The following AGAP1 variants were observed in gnomAD, a reference collection of about 807,000 sequenced individuals.
AGAP1 encodes the protein arf-GAP with GTPase, ANK repeat and PH domain-containing protein 1.
AGAP1 carries 29 observed loss-of-function variants against 105.3 expected under a neutral mutation model. The ratio of observed to expected loss-of-function variants is 0.28; its 90% CI spans 0.21 to 0.38. The LOEUF is 0.38. Ranked by LOEUF, AGAP1 falls within the 10% of genes least tolerant of loss-of-function variation. The probability of loss-of-function intolerance (pLI) is 1.00; values close to 1 mark genes in which losing one functional copy is unlikely to be tolerated. For synonymous variants in AGAP1, 509 were observed against 485.9 expected, an observed-to-expected ratio of 1.05 and a Z score of -0.63; for missense variants, 998 against 1,165.1, an observed-to-expected ratio of 0.86 and a Z score of 2.09.
chr2:235,971,459 G>A lies in AGAP1; in HGVS notation c.1645+2836G>A, dbSNP rs2054638428. The stretch of plus-strand genomic sequence containing the variant: ...CTCACGCCTGTTATCCCAGCACTTT[G>A]GGAGGCTGAGGCGGGCGGATCACGA... On this transcript the variant is annotated intron_variant, in intron 13 of 17. Transcript: ENST00000304032. The surrounding 1 kb of genome is among the most constrained non-coding windows in gnomAD (Gnocchi z 4.8). Among the ~76,000 whole-genome samples the A allele has an allele frequency of 6.6e-6, 1 of 152,166 alleles. No individual in the cohort carries two copies.
At chr2:235,538,425 C>CTG (rs1413280144) in intron 1 of AGAP1, among the ~76,000 whole-genome samples, 1 of 28,588 alleles carries the variant, frequency 3.5e-5, no homozygotes, top group African/African-American at 1.5e-4. Flanking sequence ...ACCTCAGCCA[C>CTG]TATGTGTGTG....
intron 4 of AGAP1, among the ~76,000 whole-genome samples, chr2:235,743,660 A>G (rs1005063427): frequency 5.3e-5 from 8 of 152,136 alleles, no homozygotes; most frequent in Non-Finnish European, 1.2e-4. Flanking sequence ...TTTCACTTAC[A>G]TGCAGAAGTC....
chr2:235,687,217 T>A (rs922799383), intron 1 of AGAP1, among the ~76,000 whole-genome samples: 5 of 152,198 alleles, frequency 3.3e-5, no homozygotes, highest in East Asian at 1.9e-4. Context: ...TCAAACAGAT[T>A]CCCATTCTTC....
Position 235,647,082 on chromosome 2 carries a change from A to G in AGAP1, c.164-62097A>G, listed in dbSNP as rs181133160. Among the ~76,000 whole-genome samples the G allele has an allele frequency of 5.0e-3, 745 of 150,484 alleles. 5 individuals are homozygous for G. The highest frequency in any genetic ancestry group is 0.018 in the African/African-American group (719 of 40,866). ...ACCTGGGAGGTGGAGCTTGCAGTGA[A>G]CCGAGATTGCGCCACTGCACCACCC... On this transcript the variant is annotated intron_variant, in intron 1 of 17. Transcript: ENST00000304032.
At chr2:235,519,235 G>T (rs1014341953) in intron 1 of AGAP1, among the ~76,000 whole-genome samples, 2 of 151,956 alleles carry the variant, frequency 1.3e-5, no homozygotes, top group Non-Finnish European at 2.9e-5. Flanking sequence ...ACCACACCTG[G>T]CTAATTCTTT....
intron 3 of AGAP1, among the ~76,000 whole-genome samples, chr2:235,726,802 G>A (rs1951670486): frequency 6.6e-6 from 1 of 152,210 alleles, no homozygotes; most frequent in African/African-American, 2.4e-5. Flanking sequence ...AGAAAGGCAG[G>A]GAGGGGGTGG....
rs1173718854 is a variant in AGAP1 at position 235,865,586 on chromosome 2, G to A, written c.1051-17759G>A. Among the ~76,000 whole-genome samples the A allele has an allele frequency of 6.6e-6, 1 of 152,090 alleles. No individual in the cohort carries two copies. ...TCCAGAATCGGCCCCTCGCCCCTTT[G>A]CCCCTCCCCCAACTCCCTCCACTGT... On this transcript the variant is annotated intron_variant, in intron 9 of 17. Coordinates refer to ENST00000304032, the MANE Select transcript of AGAP1 (RefSeq NM_001037131.3). This position sits in a 1 kb window ranked among gnomAD's most constrained non-coding sequence, Gnocchi z 6.2.
chr2:235,785,058 A>T (rs1384273618), intron 6 of AGAP1, among the ~76,000 whole-genome samples: 1 of 152,202 alleles, frequency 6.6e-6, no homozygotes, highest in African/African-American at 2.4e-5. Context: ...CTGCTGGCTC[A>T]TTATTAACAG....
chr2:235,858,906 T>C (rs375866135), intron 9 of AGAP1, among the ~76,000 whole-genome samples: 69 of 152,204 alleles, frequency 4.5e-4, no homozygotes, highest in African/African-American at 1.7e-3. Flanking sequence ...GCCAGTCTTT[T>C]CAATTAGTTT....
At chr2:235,831,590 A>G (rs1959419833) in intron 9 of AGAP1, among the ~76,000 whole-genome samples, 1 of 152,218 alleles carries the variant, frequency 6.6e-6, no homozygotes, top group Non-Finnish European at 1.5e-5. Context: ...ATTGGCTTAT[A>G]TCACTAATAT....
rs1218256901 is a variant in AGAP1 at position 235,951,182 on chromosome 2, T to C, written c.1484-17280T>C. On this transcript the variant is annotated intron_variant, in intron 12 of 17. Coordinates refer to ENST00000304032, the MANE Select transcript of AGAP1 (RefSeq NM_001037131.3). The surrounding 1 kb of genome is among the most constrained non-coding windows in gnomAD (Gnocchi z 4.2). Reference sequence around the variant, plus strand: ...ACACATTTGGCCACTGTGATGGAGCTGCTTTGAAAGGCTGTGCTTTAGAAG... The same window carrying C: ...ACACATTTGGCCACTGTGATGGAGCCGCTTTGAAAGGCTGTGCTTTAGAAG... Among the ~76,000 whole-genome samples the C allele has an allele frequency of 1.3e-5, 2 of 152,224 alleles. No homozygotes were observed. The highest frequency in any genetic ancestry group is 2.9e-5 in the Non-Finnish European group (2 of 68,052).
At chr2:235,598,414 G>A (rs1391929139) in intron 1 of AGAP1, among the ~76,000 whole-genome samples, 1 of 152,140 alleles carries the variant, frequency 6.6e-6, no homozygotes, top group African/African-American at 2.4e-5. Context: ...GAAGTTTGGT[G>A]ATGTTTTTGT....
intron 8 of AGAP1, among the ~76,000 whole-genome samples, chr2:235,806,841 A>G (rs1317339279): frequency 6.6e-6 from 1 of 152,214 alleles, no homozygotes; most frequent in Non-Finnish European, 1.5e-5. Flanking sequence ...TTAATTAAAT[A>G]CATATGTTGA....
intron 16 of AGAP1, among the ~76,000 whole-genome samples, chr2:236,086,770 G>A (rs191643354): frequency 3.2e-4 from 48 of 152,260 alleles, no homozygotes; most frequent in Non-Finnish European, 5.9e-4. Context: ...ATACACAGGA[G>A]GGCACTGGCC....
chr2:235,954,540 G>A (rs2125280461), intron 12 of AGAP1, among the ~76,000 whole-genome samples: 1 of 148,748 alleles, frequency 6.7e-6, no homozygotes, highest in African/African-American at 2.5e-5. Context: ...CATCTCGTAT[G>A]TTACGGTTCT....
intron 1 of AGAP1, chr2:235,670,312 G>A (rs113930860): frequency 0.025 from 11,516 of 465,638 alleles, 595 homozygotes; most frequent in African/African-American, 0.11. Flanking sequence ...GGCTTGAGGA[G>A]GAGGCCGAGG....
At chr2:235,853,057 T>C in intron 9 of AGAP1, 1 of 1,238,186 alleles carries the variant, frequency 8.1e-7, no homozygotes, top group Non-Finnish European at 1.0e-6. Flanking sequence ...TAGCGGGCAA[T>C]TCAGTCCACA....
rs1396801298 is a variant in AGAP1, at chr2:235,787,328, T to C, written c.674-10431T>C. Among the ~76,000 whole-genome samples the C allele has an allele frequency of 1.3e-5, 2 of 152,256 alleles. No homozygotes were observed. Among genetic ancestry groups the C allele is most frequent in the South Asian group, 2.1e-4 (1 of 4,834 alleles). ...AATGTTTCATTCATCTATCTGAGTT[T>C]TTCCTGCTTTAAGTGCCTCTTCTAT... On this transcript the variant is annotated intron_variant, in intron 6 of 17. Coordinates refer to ENST00000304032, the MANE Select transcript of AGAP1 (RefSeq NM_001037131.3). This position sits in a 1 kb window ranked among gnomAD's most constrained non-coding sequence, Gnocchi z 4.4.
chr2:235,717,757 C>A, intron 3 of AGAP1, 113 bp downstream of exon 3: 1 of 909,132 alleles, frequency 1.1e-6, no homozygotes, highest in Non-Finnish European at 1.7e-6. Context: ...AGCAATAAAA[C>A]ATACCAAGCG....
Sources: allele counts gnomAD v4.1 joint callset (sites outside exome capture counted in the v4.1 genomes callset), GRCh38; gene constraint gnomAD v4.1.1; non-coding constraint Gnocchi (gnomAD v3.1); transcripts MANE v1.5; gene names NCBI Gene and HGNC (gene_info 2026-07-23, HGNC 2026-07-21).